NPEPPS: variants seen among roughly 807,000 people sequenced by gnomAD.
NPEPPS encodes the protein aminopeptidase puromycin sensitive.
In NPEPPS, 14 loss-of-function variants were observed where a neutral mutation model predicts 115.5. The observed-to-expected ratio is 0.12, with a 90% CI of 0.08 to 0.19. The LOEUF (loss-of-function observed/expected upper bound fraction) is 0.19. Among genes scored for constraint, NPEPPS ranks in the 10% least tolerant of loss-of-function variants. NPEPPS has a pLI of 1.00. For synonymous variants in NPEPPS, 285 were observed against 390.6 expected (o/e 0.73, Z 3.19); for missense variants, 523 against 1,110.8 (o/e 0.47, Z 7.52).
chr17:47,585,992 G>A, intron 6 of NPEPPS, 156 bp from the exon 7 acceptor site: 1 of 668,286 alleles, frequency 1.5e-6, no homozygotes, highest in Non-Finnish European at 2.4e-6. Context: ...TGTATTCAAA[G>A]TTTGGAGCTA....
At chr17:47,567,253 G>A (rs1910881219) in intron 2 of NPEPPS, among the ~76,000 whole-genome samples, 1 of 152,174 alleles carries the variant, frequency 6.6e-6, no homozygotes, top group South Asian at 2.1e-4. Context: ...TTGATTAGAG[G>A]ATTTATTAAA....
At position 47,576,931 on chromosome 17, in the gene NPEPPS, TCTA is replaced by T. The variant is rs967105421; in HGVS notation, c.419-2455_419-2453del. 9.6e-4 allele frequency: 195 copies of T among 202,696 alleles called. 1 individual carries two copies. The highest frequency in any genetic ancestry group is 4.0e-3 in the African/African-American group (170 of 42,192). The allele number at this position is 202,696 out of a possible 1,614,324, so 12.6% of individuals were successfully genotyped here. ...TTTTTTCTCCTACTTGCCCTAAAAT[TCTA>T]CTATATGAATAGTAAGTAAATACTT... On this transcript the variant is annotated intron_variant, in intron 3 of 22. Transcript: ENST00000322157.
intron 2 of NPEPPS, among the ~76,000 whole-genome samples, 182 bp from the exon 3 acceptor site, chr17:47,569,235 A>C (rs149914264): frequency 3.1e-4 from 47 of 152,322 alleles, no homozygotes; most frequent in African/African-American, 1.1e-3. Flanking sequence ...GAGCATATTT[A>C]ATGTAGATAA....
chr17:47,621,917 G>A lies in NPEPPS; in HGVS notation c.2757G>A (p.Val919=), dbSNP rs768737294. 1.9e-6 allele frequency: 3 copies of A among 1,610,778 alleles called. No individual in the cohort carries two copies. In the East Asian group the frequency reaches 6.7e-5, roughly 36 times the overall value. ...AGCGGAAGGCCTCACCACCCACAGTGTGAATCCTGAGGTGCCGCCATTGGC... is the reference window on the plus strand; with the variant it reads ...AGCGGAAGGCCTCACCACCCACAGTATGAATCCTGAGGTGCCGCCATTGGC... ...LLQRKASPPT[V] The change falls in exon 23 of 23, where the codon GTG becomes GTA. Residue 919 remains valine (V), a synonymous_variant. Coordinates refer to ENST00000322157, the MANE Select transcript of NPEPPS (RefSeq NM_006310.4).
intron 3 of NPEPPS, among the ~76,000 whole-genome samples, chr17:47,575,543 A>G (rs1911463386): frequency 6.7e-6 from 1 of 149,904 alleles, no homozygotes; most frequent in African/African-American, 2.4e-5. Context: ...TATAAATATT[A>G]GAACAGAAAA....
chr17:47,560,645 A>T (rs1910368795), intron 2 of NPEPPS, among the ~76,000 whole-genome samples: 1 of 152,150 alleles, frequency 6.6e-6, no homozygotes, highest in African/African-American at 2.4e-5. Context: ...CTCCAGAATG[A>T]TGTGTTTTCT....
chr17:47,534,146 C>G (rs1282347223), intron 1 of NPEPPS, among the ~76,000 whole-genome samples: 2 of 151,336 alleles, frequency 1.3e-5, no homozygotes, highest in African/African-American at 4.9e-5. Flanking sequence ...GGCTGGAGTG[C>G]AGTGGCACGA....
intron 3 of NPEPPS, among the ~76,000 whole-genome samples, chr17:47,571,673 G>A (rs1364506479): frequency 6.6e-6 from 1 of 152,174 alleles, no homozygotes; most frequent in African/African-American, 2.4e-5. Flanking sequence ...AGCCGAGATC[G>A]CACCACTGCA....
At chr17:47,557,991 A>G (rs534250840) in intron 2 of NPEPPS, among the ~76,000 whole-genome samples, 7 of 129,638 alleles carry the variant, frequency 5.4e-5, no homozygotes, top group East Asian at 2.2e-4. Context: ...CAGTGGCTCT[A>G]TCTCAACTTA....
At chr17:47,614,179 G>A (rs930793872) in intron 19 of NPEPPS, among the ~76,000 whole-genome samples, 1 of 151,992 alleles carries the variant, frequency 6.6e-6, no homozygotes, top group African/African-American at 2.4e-5. Context: ...ACCATGCCCA[G>A]GCTGGTCTCA....
chr17:47,620,506 T>C (rs1914499511), intron 22 of NPEPPS, among the ~76,000 whole-genome samples: 1 of 152,196 alleles, frequency 6.6e-6, no homozygotes. Flanking sequence ...GGCTTCTCTG[T>C]TGTGAGCATA....
rs2143988065 is a variant in NPEPPS at position 47,619,044 on chromosome 17, T to C, written c.2439T>C (p.Ile813=). 1 of 1,613,948 alleles carries C rather than the reference T, an allele frequency of 6.2e-7. No homozygotes were observed. Among genetic ancestry groups the C allele is most frequent in the South Asian group, 1.1e-5 (1 of 91,078 alleles). Residue 813 remains isoleucine (I), a synonymous_variant, in exon 21 of 23, where the codon ATT becomes ATC. Coordinates refer to ENST00000322157, the MANE Select transcript of NPEPPS (RefSeq NM_006310.4). The part of the protein sequence containing the change: ...EVRPQDTVSV[I]GGVAGGSKHG... ...GTCCACAGGACACTGTATCGGTAAT[T>C]GGTGGAGTAGCTGGAGGCAGCAAGC...
chr17:47,535,097 G>C (rs955820982), intron 1 of NPEPPS, among the ~76,000 whole-genome samples: 3 of 146,860 alleles, frequency 2.0e-5, no homozygotes, highest in Non-Finnish European at 4.5e-5. Context: ...CAAAAAATTA[G>C]CTGGGCGTGG....
chr17:47,545,324 G>A (rs62073975), intron 1 of NPEPPS, among the ~76,000 whole-genome samples: 6,781 of 152,256 alleles, frequency 0.045, 214 homozygotes, highest in Non-Finnish European at 0.071. Flanking sequence ...CAAAGTTTAA[G>A]TAGAAAACAT....
intron 2 of NPEPPS, among the ~76,000 whole-genome samples, chr17:47,564,832 G>C (rs1352776716): frequency 1.3e-5 from 2 of 151,860 alleles, no homozygotes; most frequent in African/African-American, 4.8e-5. Context: ...GTTTGAGATA[G>C]ATCCTTATTT....
At position 47,538,202 on chromosome 17, in the gene NPEPPS, C is replaced by CTTTTTTTTTTTTTT. The variant is rs543559258; in HGVS notation, c.255+6657_255+6670dup. On this transcript the variant is annotated intron_variant, in intron 1 of 22. Transcript: ENST00000322157. The stretch of plus-strand genomic sequence containing the variant: ...GCCACCGCGCCTAGCCATATCTGTT[C>CTTTTTTTTTTTTTT]TTTTTTTTTTTTTTTTTTTTTTTGA... Among the ~76,000 whole-genome samples, 75 of 58,490 alleles carry CTTTTTTTTTTTTTT rather than the reference C, an allele frequency of 1.3e-3. 9 individuals are homozygous for CTTTTTTTTTTTTTT. Among genetic ancestry groups the CTTTTTTTTTTTTTT allele is most frequent in the East Asian group, 5.1e-3 (8 of 1,556 alleles). The allele number at this position is 58,490 out of a possible 152,430, so 38.4% of individuals were successfully genotyped here. A position where few individuals can be genotyped will look rare whatever the true frequency, so the allele number is the denominator to read the frequency against.
At chr17:47,544,333 C>G (rs979142755) in intron 1 of NPEPPS, among the ~76,000 whole-genome samples, 2 of 152,088 alleles carry the variant, frequency 1.3e-5, no homozygotes, top group East Asian at 3.9e-4. Context: ...CCACCACACT[C>G]GGCGGTAAGA....
chr17:47,536,948 G>C (rs1393129415), intron 1 of NPEPPS, among the ~76,000 whole-genome samples: 2 of 150,760 alleles, frequency 1.3e-5, no homozygotes, highest in African/African-American at 4.9e-5. Flanking sequence ...CCTGACCTCA[G>C]GTGATCCACC....
At chr17:47,612,405 C>T in intron 17 of NPEPPS, 55 bp from the exon 18 acceptor site, 2 of 1,585,188 alleles carry the variant, frequency 1.3e-6, no homozygotes, top group South Asian at 2.3e-5. Context: ...AAATGGCAAA[C>T]TTATAAAAAT....
Sources: allele counts gnomAD v4.1 joint callset (sites outside exome capture counted in the v4.1 genomes callset), GRCh38; gene constraint gnomAD v4.1.1; transcripts MANE v1.5; gene names NCBI Gene and HGNC (gene_info 2026-07-23, HGNC 2026-07-21).